Variants in THEMIS observed in about 807,000 individuals in gnomAD.
The protein encoded by THEMIS is thymocyte selection associated.
In THEMIS, 37 loss-of-function variants were observed where a neutral mutation model predicts 52.6. The observed-to-expected ratio is 0.70, with a 90% CI of 0.54 to 0.93. The LOEUF is 0.93. Ranked by LOEUF, THEMIS falls within the 40% of genes least tolerant of loss-of-function variation. The pLI is 0.00. For missense variants in THEMIS, 808 were observed against 763.1 expected, an observed-to-expected ratio of 1.06 and a Z score of -0.69; for synonymous variants, 292 against 272.7, an observed-to-expected ratio of 1.07 and a Z score of -0.70.
chr6:127,863,277 A>G (rs970330018), intron 1 of THEMIS, among the ~76,000 whole-genome samples: 29 of 152,178 alleles, frequency 1.9e-4, no homozygotes, highest in African/African-American at 7.0e-4. Flanking sequence ...ATACTCTTTT[A>G]TCCTATTAAT....
At chr6:127,862,928 G>A (rs1779856390) in intron 1 of THEMIS, among the ~76,000 whole-genome samples, 1 of 152,040 alleles carries the variant, frequency 6.6e-6, no homozygotes, top group African/African-American at 2.4e-5. Flanking sequence ...GGCATGCCAG[G>A]TATTAATTAT....
At chr6:127,748,977 G>A (rs74876679) in intron 4 of THEMIS, among the ~76,000 whole-genome samples, 1,589 of 152,082 alleles carry the variant, frequency 0.01, 37 homozygotes, top group African/African-American at 0.037. Context: ...AGTGTGTCAG[G>A]AACTCACAGT....
chr6:127,733,377 C>T (rs1442609541), intron 4 of THEMIS, among the ~76,000 whole-genome samples: 2 of 152,132 alleles, frequency 1.3e-5, no homozygotes, highest in Non-Finnish European at 2.9e-5. Context: ...AATTGCTTGT[C>T]CATCTTGTGA....
intron 4 of THEMIS, among the ~76,000 whole-genome samples, chr6:127,782,044 G>A (rs1012479633): frequency 2.6e-5 from 4 of 152,170 alleles, no homozygotes; most frequent in Non-Finnish European, 5.9e-5. Context: ...TTGCCAAGCT[G>A]CAGTGTGCTC....
intron 4 of THEMIS, among the ~76,000 whole-genome samples, chr6:127,774,244 C>T (rs372267969): frequency 3.9e-5 from 6 of 152,310 alleles, no homozygotes; most frequent in Admixed American, 2.0e-4. Context: ...CTCGCTCTGT[C>T]GCCCAGGCTG....
At chr6:127,775,435 G>A (rs894666837) in intron 4 of THEMIS, among the ~76,000 whole-genome samples, 2 of 152,138 alleles carry the variant, frequency 1.3e-5, no homozygotes, top group African/African-American at 4.8e-5. Flanking sequence ...GGGCCAAAGA[G>A]TCTTGTCCTT....
At chr6:127,750,558 G>T (rs545581753) in intron 4 of THEMIS, among the ~76,000 whole-genome samples, 1 of 151,846 alleles carries the variant, frequency 6.6e-6, no homozygotes, top group Admixed American at 6.6e-5. Flanking sequence ...GTAAAGGTAT[G>T]TATTTGGATT....
At chr6:127,723,176 T>C (rs563210081) in intron 4 of THEMIS, among the ~76,000 whole-genome samples, 1 of 152,200 alleles carries the variant, frequency 6.6e-6, no homozygotes, top group African/African-American at 2.4e-5. Flanking sequence ...CTGATCCCTC[T>C]ACTTTCTCTA....
chr6:127,779,530 A>T (rs1027088986), intron 4 of THEMIS, among the ~76,000 whole-genome samples: 1 of 152,204 alleles, frequency 6.6e-6, no homozygotes, highest in Non-Finnish European at 1.5e-5. Flanking sequence ...TTTACCAAAT[A>T]AAATTTTAAG....
At chr6:127,854,116 A>G (rs1779520859) in intron 2 of THEMIS, among the ~76,000 whole-genome samples, 1 of 151,812 alleles carries the variant, frequency 6.6e-6, no homozygotes, top group African/African-American at 2.4e-5. Context: ...TATCAGAAAT[A>G]CAAAGTCACA....
At chr6:127,762,800 C>T (rs1450320592) in intron 4 of THEMIS, among the ~76,000 whole-genome samples, 4 of 152,052 alleles carry the variant, frequency 2.6e-5, no homozygotes, top group Non-Finnish European at 5.9e-5. Flanking sequence ...TTTAATTTCT[C>T]ATTTCTATCA....
chr6:127,885,309 G>T (rs977264402), intron 1 of THEMIS, among the ~76,000 whole-genome samples: 3 of 151,918 alleles, frequency 2.0e-5, no homozygotes, highest in Admixed American at 6.6e-5. Context: ...AAGTTTCTTA[G>T]TTACCAGGTT....
the THEMIS span, among the ~76,000 whole-genome samples, chr6:127,698,624 G>A: frequency 1.3e-5 from 2 of 152,002 alleles, no homozygotes; most frequent in African/African-American, 4.8e-5. Flanking sequence ...TATTCACTCA[G>A]ATGAAACAAT....
rs564880871 is a variant in THEMIS, at chr6:127,899,212, AT to A, written c.91+1629del. 1.1e-3 allele frequency among the ~76,000 whole-genome samples: 165 copies of A among 152,016 alleles called. 1 individual carries two copies. Among genetic ancestry groups the A allele is most frequent in the African/African-American group, 3.8e-3 (158 of 41,554 alleles). On this transcript the variant is annotated intron_variant, in intron 1 of 5. Transcript: ENST00000368248. ...CTTGATTATTACACACTGTATCAAA[AT>A]ATCACATGTATCCCATAAATATGTA...
At chr6:127,863,967 C>T (rs1445603922) in intron 1 of THEMIS, among the ~76,000 whole-genome samples, 2 of 152,054 alleles carry the variant, frequency 1.3e-5, no homozygotes, top group Non-Finnish European at 2.9e-5. Flanking sequence ...TCCCCTGTGT[C>T]CCTTCTACCA....
chr6:127,881,933 A>G (rs141174888), intron 1 of THEMIS, among the ~76,000 whole-genome samples: 2 of 151,040 alleles, frequency 1.3e-5, no homozygotes, highest in Non-Finnish European at 3.0e-5. Context: ...GACTTCTACT[A>G]TATATTCCTT....
chr6:127,708,023 G>A (rs748043384), downstream of THEMIS: 1 of 152,076 alleles, frequency 6.6e-6, no homozygotes, highest in Non-Finnish European at 1.5e-5. Flanking sequence ...AGCACTGTAA[G>A]TCCATAGGGG....
At chr6:127,799,531 CT>C (rs1777451057) in intron 4 of THEMIS, among the ~76,000 whole-genome samples, 1 of 74,104 alleles carries the variant, frequency 1.3e-5, no homozygotes, top group Admixed American at 1.2e-4. Context: ...CTTTCTTTCT[CT>C]TTCTTTCTTT....
chr6:127,821,235 A>C (rs940814452), intron 3 of THEMIS, among the ~76,000 whole-genome samples: 16 of 151,948 alleles, frequency 1.1e-4, no homozygotes, highest in African/African-American at 3.6e-4. Flanking sequence ...TACAATTGGG[A>C]AAATGGAATT....
Sources: gnomAD v4.1 joint callset for allele counts (sites outside exome capture counted in the v4.1 genomes callset) on GRCh38, gnomAD v4.1.1 for gene constraint, MANE v1.5 for transcripts, NCBI Gene and HGNC (gene_info 2026-07-23, HGNC 2026-07-21) for gene names.